MAP4K4: variants seen among roughly 807,000 people sequenced by gnomAD.
MAP4K4 encodes mitogen-activated protein kinase kinase kinase kinase 4.
A neutral mutation model predicts 189.6 loss-of-function variants in MAP4K4; 38 were observed. That is an observed-to-expected ratio of 0.20 (90% confidence interval 0.15 to 0.26). MAP4K4 has a LOEUF of 0.26. Among genes scored for constraint, MAP4K4 ranks in the 10% least tolerant of loss-of-function variants. The pLI, the probability that MAP4K4 is intolerant of heterozygous loss-of-function variation, is 1.00. For missense variants in MAP4K4, 1,054 were observed against 1,726.9 expected (o/e 0.61, Z 6.91); for synonymous variants, 610 against 624.3 (o/e 0.98, Z 0.34).
At chr2:101,885,927 T>C (rs1310778981) in intron 29 of MAP4K4, among the ~76,000 whole-genome samples, 1 of 152,202 alleles carries the variant, frequency 6.6e-6, no homozygotes, top group Admixed American at 6.5e-5. Flanking sequence ...AAAATACTCA[T>C]GAAATTTACA....
At chr2:101,819,969 C>A (rs1028111192) in intron 3 of MAP4K4, among the ~76,000 whole-genome samples, 1 of 152,072 alleles carries the variant, frequency 6.6e-6, no homozygotes, top group South Asian at 2.1e-4. Context: ...TGTGCCAATT[C>A]GGGAGTTTTC....
intron 2 of MAP4K4, among the ~76,000 whole-genome samples, chr2:101,704,539 G>A (rs4991863): frequency 0.011 from 788 of 72,538 alleles, 17 homozygotes; most frequent in African/African-American, 0.059. Flanking sequence ...GTGTGTGTGT[G>A]TGTATATATA....
At chr2:101,847,562 A>G (rs1217094074) in intron 12 of MAP4K4, among the ~76,000 whole-genome samples, 1 of 152,246 alleles carries the variant, frequency 6.6e-6, no homozygotes, top group Non-Finnish European at 1.5e-5. Flanking sequence ...TTTTTAACAA[A>G]AACATTTTTA....
chr2:101,794,363 T>C (rs966093562), intron 3 of MAP4K4, among the ~76,000 whole-genome samples: 2 of 152,210 alleles, frequency 1.3e-5, no homozygotes, highest in South Asian at 2.1e-4. Context: ...CAGTGATTGC[T>C]CAACTTGGAG....
intron 3 of MAP4K4, among the ~76,000 whole-genome samples, chr2:101,792,634 CT>C (rs2093118970): frequency 6.6e-6 from 1 of 150,726 alleles, no homozygotes; most frequent in South Asian, 2.1e-4. Flanking sequence ...CCTCCTTCTT[CT>C]TTCTTCTTCT....
intron 2 of MAP4K4, among the ~76,000 whole-genome samples, chr2:101,785,666 C>CTTTTCTTTTCTTTTCT (rs1558912598): frequency 6.5e-5 from 3 of 46,438 alleles, no homozygotes; most frequent in African/African-American, 5.0e-4. Flanking sequence ...CTTCTTCTTT[C>CTTTTCTTTTCTTTTCT]TTTCTTTCTC....
chr2:101,869,674 C>T (rs1450211671), exon 22 of MAP4K4: 19 of 1,609,068 alleles, frequency 1.2e-5, no homozygotes, highest in African/African-American at 1.1e-4. Context: ...GTACGGCCAC[C>T]TCACAAAGTA....
chr2:101,865,081 A>G (rs372153585), intron 18 of MAP4K4, 45 bp downstream of exon 18: 232 of 1,166,042 alleles, frequency 2.0e-4, no homozygotes, highest in Non-Finnish European at 2.7e-4. Context: ...TGTGCAGTCT[A>G]CCACAGCCTT....
At chr2:101,868,477 A>C (rs1338940114) in intron 21 of MAP4K4, among the ~76,000 whole-genome samples, 1 of 152,288 alleles carries the variant, frequency 6.6e-6, no homozygotes, top group South Asian at 2.1e-4. Flanking sequence ...TTGGAGTTTT[A>C]TATGAAAATG....
At chr2:101,821,771 A>T (rs1486593669) in intron 3 of MAP4K4, among the ~76,000 whole-genome samples, 1 of 152,238 alleles carries the variant, frequency 6.6e-6, no homozygotes, top group African/African-American at 2.4e-5. Context: ...ATAATTAACT[A>T]GGTTACTGTA....
rs753487051 is a variant in MAP4K4, at chr2:101,869,594, A to ACT, written c.2464-21_2464-20dup. On this transcript the variant is annotated intron_variant, in intron 21 of 32. Coordinates refer to ENST00000324219, the Ensembl canonical transcript of MAP4K4. ...TCCTGTCCCTGCTCCTGCTTGCCTT[A>ACT]CTCTCTCTTTTCTGTCCTTTGCTTT... The ACT allele has an allele frequency of 1.1e-5, 17 of 1,582,402 alleles. No individual in the cohort carries two copies. In the East Asian group the frequency reaches 3.6e-4, roughly 34 times the overall value.
intron 12 of MAP4K4, among the ~76,000 whole-genome samples, chr2:101,849,797 G>A (rs776263922): frequency 3.3e-5 from 5 of 152,052 alleles, no homozygotes; most frequent in Admixed American, 6.5e-5. Flanking sequence ...TTGGGAGGTC[G>A]AGATGGGATG....
At chr2:101,785,699 T>TTTTCCTTTTTTGAGTTGGAGTCTTG (rs1558913748) in intron 2 of MAP4K4, among the ~76,000 whole-genome samples, 243 of 5,066 alleles carry the variant, frequency 0.048, 1 homozygote, top group Non-Finnish European at 0.057. Flanking sequence ...TCTCTCTCTC[T>TTTTCCTTTTTTGAGTTGGAGTCTTG]CTCTCTCTCT....
intron 2 of MAP4K4, among the ~76,000 whole-genome samples, chr2:101,778,147 G>C (rs553348564): frequency 6.6e-6 from 1 of 152,162 alleles, no homozygotes. Context: ...TGATGAAGGG[G>C]ACCTGTGGGT....
rs2096490026 is a variant in MAP4K4, at chr2:101,828,987, A to T, written c.418-517A>T. On this transcript the variant is annotated intron_variant, in intron 5 of 32. Coordinates refer to ENST00000324219, the Ensembl canonical transcript of MAP4K4. ...AACACAAGGCTCTTTTGACAGCACA[A>T]TCGTTTTATGCTTGGGATGGAGGTG... Among the ~76,000 whole-genome samples the T allele has an allele frequency of 2.0e-5, 3 of 152,212 alleles. No individual in the cohort carries two copies. The South Asian group carries it at 6.2e-4, about 32-fold the overall frequency.
intron 2 of MAP4K4, among the ~76,000 whole-genome samples, chr2:101,713,589 C>G (rs942996292): frequency 1.8e-5 from 2 of 113,742 alleles, no homozygotes; most frequent in African/African-American, 7.0e-5. Context: ...AGAGTGAGAC[C>G]TTGTCTAAAA....
At chr2:101,877,109 C>T (rs747745076) in exon 27 of MAP4K4, 21 of 1,613,916 alleles carry the variant, frequency 1.3e-5, no homozygotes, top group Non-Finnish European at 1.7e-5. Context: ...AACAAATGGA[C>T]GTACTTGAGG....
At chr2:101,713,893 C>CA (rs34414377) in intron 2 of MAP4K4, among the ~76,000 whole-genome samples, 1 of 149,878 alleles carries the variant, frequency 6.7e-6, no homozygotes, top group Non-Finnish European at 1.5e-5. Flanking sequence ...GACTCCATCT[C>CA]AAAAAAAAAA....
At chr2:101,728,456 C>T (rs1419634153) in intron 2 of MAP4K4, among the ~76,000 whole-genome samples, 2 of 152,152 alleles carry the variant, frequency 1.3e-5, no homozygotes, top group Non-Finnish European at 2.9e-5. Context: ...AAATTTCAAA[C>T]CTATAGTAAA....
Sources: gnomAD v4.1 joint callset for allele counts (sites outside exome capture counted in the v4.1 genomes callset) on GRCh38, gnomAD v4.1.1 for gene constraint, MANE v1.5 for transcripts, NCBI Gene and HGNC (gene_info 2026-07-23, HGNC 2026-07-21) for gene names.